PPIL6: variants seen among roughly 807,000 people sequenced by gnomAD.
PPIL6 encodes probable inactive peptidyl-prolyl cis-trans isomerase-like 6.
Under a neutral mutation model 36.8 loss-of-function variants are expected in PPIL6, and 39 were observed. The ratio of observed to expected loss-of-function variants is 1.06; its 90% CI spans 0.82 to 1.38. The LOEUF (loss-of-function observed/expected upper bound fraction) is 1.38, where lower values mean the gene tolerates loss of function less well. PPIL6 is among the 40% of genes most tolerant of loss of function. The pLI is 0.00. For missense variants in PPIL6, 368 were observed against 379.1 expected (o/e 0.97, Z 0.24); for synonymous variants, 123 against 134.1 (o/e 0.92, Z 0.57).
intron 7 of PPIL6, 77 bp downstream of exon 7, chr6:109,399,958 C>G: frequency 7.9e-7 from 1 of 1,265,240 alleles, no homozygotes; most frequent in Non-Finnish European, 1.1e-6. Context: ...ACACTATATA[C>G]AATACTTATC....
At chr6:109,403,076 T>G in intron 6 of PPIL6, 4 of 1,530,818 alleles carry the variant, frequency 2.6e-6, no homozygotes, top group Non-Finnish European at 3.5e-6. Flanking sequence ...TCCTTCTGCC[T>G]CTTTACACTT....
At chr6:109,423,794 T>C (rs1490245550) in intron 5 of PPIL6, among the ~76,000 whole-genome samples, 1 of 152,178 alleles carries the variant, frequency 6.6e-6, no homozygotes, top group African/African-American at 2.4e-5. Flanking sequence ...CAAAGTGGTA[T>C]AATGACTTGC....
intron 2 of PPIL6, 93 bp from the exon 3 acceptor site, chr6:109,431,438 G>A: frequency 1.3e-6 from 1 of 793,146 alleles, no homozygotes; most frequent in Non-Finnish European, 1.9e-6. Flanking sequence ...TCAACTCTAG[G>A]TCTGAATTTG....
intron 5 of PPIL6, among the ~76,000 whole-genome samples, chr6:109,421,117 C>CGT (rs1773522410): frequency 6.6e-6 from 1 of 152,194 alleles, no homozygotes; most frequent in African/African-American, 2.4e-5. Context: ...CTTACCTACC[C>CGT]GTTGGTCACA....
At position 109,430,160 on chromosome 6, in the gene PPIL6, A is replaced by C. The variant is rs184621778; in HGVS notation, c.420+997T>G. On this transcript the variant is annotated intron_variant, in intron 3 of 7. Coordinates refer to ENST00000521072, the MANE Select transcript of PPIL6 (RefSeq NM_173672.5). ...GTGGTTCAACAAGGATGAATGAGAC[A>C]AGGCCTTTACCTATGCACAACTCAG... 3.9e-5 allele frequency among the ~76,000 whole-genome samples: 6 copies of C among 152,358 alleles called. No individual in the cohort carries two copies. The East Asian group carries it at 1.2e-3, about 29-fold the overall frequency.
intron 3 of PPIL6, among the ~76,000 whole-genome samples, chr6:109,427,529 A>G (rs1773887235): frequency 6.6e-6 from 1 of 151,964 alleles, no homozygotes; most frequent in Admixed American, 6.6e-5. Flanking sequence ...AACTACACAC[A>G]TGCACCACCA....
chr6:109,438,677 CT>C (rs1774594372), intron 1 of PPIL6, among the ~76,000 whole-genome samples: 1 of 152,018 alleles, frequency 6.6e-6, no homozygotes, highest in Non-Finnish European at 1.5e-5. Context: ...AAACCTCCAC[CT>C]CCCGGGTTCA....
At chr6:109,401,026 AT>A (rs749611966) in intron 6 of PPIL6, among the ~76,000 whole-genome samples, 7,653 of 114,934 alleles carry the variant, frequency 0.067, 153 homozygotes, top group South Asian at 0.1. Flanking sequence ...TGCCCGGCTA[AT>A]TTTTTTTTTT....
At position 109,413,501 on chromosome 6, in the gene PPIL6, A is replaced by G. The variant is rs576771723; in HGVS notation, c.688+5686T>C. Among the ~76,000 whole-genome samples, 3 of 152,322 alleles carry G rather than the reference A, an allele frequency of 2.0e-5. No individual in the cohort carries two copies. In the East Asian group the frequency reaches 5.8e-4, roughly 29 times the overall value. ...TGTGGAGAAAAAGGGACCCTTGTAC[A>G]CTGTTGGTGGGAATGTAAACTAATG... is the stretch of plus-strand genomic sequence containing the variant. On this transcript the variant is annotated intron_variant, in intron 6 of 7. Coordinates refer to ENST00000521072, the MANE Select transcript of PPIL6 (RefSeq NM_173672.5). The surrounding 1 kb of genome is among the most constrained non-coding windows in gnomAD (Gnocchi z 4.6).
At chr6:109,402,785 G>A (rs1041830733) in intron 6 of PPIL6, among the ~76,000 whole-genome samples, 3 of 152,158 alleles carry the variant, frequency 2.0e-5, no homozygotes, top group East Asian at 1.9e-4. Context: ...TTAAGAACCC[G>A]AGGCTATGCT....
chr6:109,401,092 G>A (rs901205269), intron 6 of PPIL6, among the ~76,000 whole-genome samples: 3 of 145,782 alleles, frequency 2.1e-5, no homozygotes, highest in Non-Finnish European at 3.0e-5. Flanking sequence ...TGGCCAGGAT[G>A]GTCTCAATCT....
intron 6 of PPIL6, among the ~76,000 whole-genome samples, chr6:109,415,200 T>A (rs1005667346): frequency 9.2e-5 from 14 of 152,178 alleles, no homozygotes; most frequent in Non-Finnish European, 7.3e-5. Context: ...TTGTTTGACT[T>A]TTTGCTTTTT....
At chr6:109,431,079 G>T in intron 3 of PPIL6, 78 bp downstream of exon 3, 2 of 982,712 alleles carry the variant, frequency 2.0e-6, no homozygotes, top group African/African-American at 1.6e-5. Flanking sequence ...CCTTCATTAG[G>T]ACATCAATAA....
At chr6:109,400,824 AAATT>A (rs1433596294) in intron 6 of PPIL6, among the ~76,000 whole-genome samples, 7 of 152,098 alleles carry the variant, frequency 4.6e-5, no homozygotes, top group Admixed American at 1.3e-4. Flanking sequence ...TGATGAAAGG[AAATT>A]AATTGTTTAT....
chr6:109,417,726 C>G (rs1376033517), intron 6 of PPIL6, among the ~76,000 whole-genome samples: 3 of 152,184 alleles, frequency 2.0e-5, no homozygotes, highest in African/African-American at 7.2e-5. Context: ...ACTACAAAAG[C>G]CACAACCTTG....
At chr6:109,406,179 T>C (rs1010321734) in intron 6 of PPIL6, among the ~76,000 whole-genome samples, 1 of 151,420 alleles carries the variant, frequency 6.6e-6, no homozygotes, top group Non-Finnish European at 1.5e-5. Flanking sequence ...ACCTCCCAAG[T>C]AGCTAGGACC....
intron 5 of PPIL6, among the ~76,000 whole-genome samples, chr6:109,420,801 A>G (rs1308897230): frequency 6.6e-6 from 1 of 152,234 alleles, no homozygotes; most frequent in Non-Finnish European, 1.5e-5. Flanking sequence ...TTTTCAAAGA[A>G]AACTGATGCA....
At chr6:109,436,760 A>G (rs34320275) in intron 1 of PPIL6, among the ~76,000 whole-genome samples, 36,946 of 151,750 alleles carry the variant, frequency 0.24, 4,792 homozygotes, top group Middle Eastern at 0.31. Context: ...AACAAAAAAA[A>G]CTCTGTCTTA....
chr6:109,425,531 C>T (rs1773767920), intron 5 of PPIL6, among the ~76,000 whole-genome samples: 3 of 152,076 alleles, frequency 2.0e-5, no homozygotes, highest in African/African-American at 7.2e-5. Flanking sequence ...TGCGGATCAC[C>T]TGAGGTCAGG....
Sources: gnomAD v4.1 joint callset for allele counts (sites outside exome capture counted in the v4.1 genomes callset) on GRCh38, gnomAD v4.1.1 for gene constraint, Gnocchi (gnomAD v3.1) non-coding constraint, MANE v1.5 for transcripts, NCBI Gene and HGNC (gene_info 2026-07-23, HGNC 2026-07-21) for gene names.